The following SKAP1 variants were observed in gnomAD, a reference collection of about 807,000 sequenced individuals.
The protein encoded by SKAP1 is src kinase-associated phosphoprotein 1.
In SKAP1, 44 loss-of-function variants were observed where a neutral mutation model predicts 58.5. The observed-to-expected ratio is 0.75, with a 90% CI of 0.59 to 0.97. The LOEUF is 0.97. Among genes scored for constraint, SKAP1 ranks in the 50% least tolerant of loss-of-function variants. SKAP1 has a pLI of 0.00. For missense variants in SKAP1, 390 were observed against 435.2 expected, an observed-to-expected ratio of 0.90 and a Z score of 0.92; for synonymous variants, 127 against 149.7, an observed-to-expected ratio of 0.85 and a Z score of 1.11.
rs544312694 is a variant in SKAP1 at position 48,294,813 on chromosome 17, C to T, written c.280+51092G>A. Among the ~76,000 whole-genome samples the T allele has an allele frequency of 1.6e-4, 25 of 152,210 alleles. No individual in the cohort carries two copies. The South Asian group carries it at 5.2e-3, about 32-fold the overall frequency. On this transcript the variant is annotated intron_variant, in intron 4 of 12. Transcript: ENST00000336915. ...TGACTCACAAGTTTTCAAAAGTGGCCTAAATCTGGACATGTCAATATATAG... is the reference window on the plus strand; with the variant it reads ...TGACTCACAAGTTTTCAAAAGTGGCTTAAATCTGGACATGTCAATATATAG...
At chr17:48,423,642 T>C (rs1279508728) in intron 1 of SKAP1, among the ~76,000 whole-genome samples, 1 of 152,230 alleles carries the variant, frequency 6.6e-6, no homozygotes, top group East Asian at 1.9e-4. Context: ...ATGTGGCTAG[T>C]GACTATTATG....
At chr17:48,338,872 G>GACTATATAA (rs1327295513) in intron 4 of SKAP1, among the ~76,000 whole-genome samples, 2 of 152,260 alleles carry the variant, frequency 1.3e-5, no homozygotes, top group East Asian at 3.9e-4. Flanking sequence ...ATTTATACCA[G>GACTATATAA]ACTATATAAA....
At chr17:48,297,976 G>C (rs1430855041) in intron 4 of SKAP1, among the ~76,000 whole-genome samples, 1 of 152,128 alleles carries the variant, frequency 6.6e-6, no homozygotes, top group African/African-American at 2.4e-5. Flanking sequence ...CCTGTTTCCT[G>C]TTTTCAGAAA....
intron 4 of SKAP1, among the ~76,000 whole-genome samples, chr17:48,256,536 A>G (rs889541942): frequency 2.6e-5 from 4 of 152,036 alleles, no homozygotes; most frequent in Admixed American, 2.6e-4. Context: ...AATGAAGGAG[A>G]CTAGACTCCA....
chr17:48,437,006 C>A, the SKAP1 span, among the ~76,000 whole-genome samples: 1 of 152,188 alleles, frequency 6.6e-6, no homozygotes. Flanking sequence ...CTTCATTTCA[C>A]CTTCTAGTCA....
At chr17:48,349,297 G>A (rs1225238423) in intron 3 of SKAP1, among the ~76,000 whole-genome samples, 1 of 152,156 alleles carries the variant, frequency 6.6e-6, no homozygotes, top group Non-Finnish European at 1.5e-5. Flanking sequence ...GTAGTCCAGT[G>A]GGATCAGACA....
intron 8 of SKAP1, 34 bp from the exon 9 acceptor site, chr17:48,180,282 C>A: frequency 2.1e-6 from 3 of 1,447,122 alleles, no homozygotes; most frequent in South Asian, 1.4e-5. Flanking sequence ...AATCAAGAAA[C>A]AGAGAAAAAG....
chr17:48,362,644 A>G (rs1206940960), intron 3 of SKAP1, among the ~76,000 whole-genome samples: 1 of 152,250 alleles, frequency 6.6e-6, no homozygotes, highest in African/African-American at 2.4e-5. Flanking sequence ...TAAGTGCTCC[A>G]ACTTTAACTT....
chr17:48,330,924 T>C (rs1308207399), intron 4 of SKAP1, among the ~76,000 whole-genome samples: 1 of 152,188 alleles, frequency 6.6e-6, no homozygotes, highest in African/African-American at 2.4e-5. Flanking sequence ...TCGTTGAGCA[T>C]GATTCCTTTA....
intron 4 of SKAP1, among the ~76,000 whole-genome samples, chr17:48,244,566 C>A (rs2065274829): frequency 6.6e-6 from 1 of 152,094 alleles, no homozygotes. Context: ...TGGGCCATGC[C>A]AAGCAAGTTT....
intron 4 of SKAP1, among the ~76,000 whole-genome samples, chr17:48,215,939 C>A (rs1166994827): frequency 1.3e-5 from 2 of 152,210 alleles, no homozygotes; most frequent in Admixed American, 6.5e-5. Flanking sequence ...CTGCAATCCT[C>A]CATGTAGCCC....
intron 4 of SKAP1, among the ~76,000 whole-genome samples, chr17:48,245,700 G>C (rs2065288379): frequency 6.6e-6 from 1 of 152,204 alleles, no homozygotes; most frequent in African/African-American, 2.4e-5. Context: ...AAGAGGCCGG[G>C]TGCGGTGGCT....
intron 4 of SKAP1, among the ~76,000 whole-genome samples, chr17:48,199,844 A>G (rs1004133680): frequency 3.9e-5 from 6 of 152,196 alleles, no homozygotes; most frequent in Admixed American, 3.9e-4. Flanking sequence ...ACACCATGGA[A>G]GAAATTAAGT....
intron 1 of SKAP1, among the ~76,000 whole-genome samples, chr17:48,423,906 G>A (rs960473920): frequency 3.2e-4 from 48 of 152,132 alleles, no homozygotes; most frequent in Admixed American, 2.3e-3. Flanking sequence ...ATAGGCATGA[G>A]CCACCACGCC....
chr17:48,151,444 T>C (rs2063901219), intron 11 of SKAP1, among the ~76,000 whole-genome samples: 1 of 152,238 alleles, frequency 6.6e-6, no homozygotes, highest in African/African-American at 2.4e-5. Context: ...CGCTGTTTTT[T>C]TCCTCCTTAA....
At chr17:48,281,102 T>G (rs1485811424) in intron 4 of SKAP1, among the ~76,000 whole-genome samples, 1 of 152,168 alleles carries the variant, frequency 6.6e-6, no homozygotes, top group Non-Finnish European at 1.5e-5. Context: ...CTTGGCTCAC[T>G]GCAATCTCTG....
At chr17:48,250,986 A>G (rs2065357653) in intron 4 of SKAP1, among the ~76,000 whole-genome samples, 1 of 152,210 alleles carries the variant, frequency 6.6e-6, no homozygotes, top group Non-Finnish European at 1.5e-5. Flanking sequence ...GTGTTTTGTA[A>G]TATTAACCAT....
intron 4 of SKAP1, among the ~76,000 whole-genome samples, chr17:48,335,447 CATA>C (rs1022765213): frequency 4.6e-5 from 7 of 151,946 alleles, no homozygotes; most frequent in African/African-American, 1.7e-4. Context: ...AGAAAACAAA[CATA>C]ATTTTTTGCT....
At chr17:48,342,499 C>G (rs2144316079) in intron 4 of SKAP1, among the ~76,000 whole-genome samples, 1 of 126,976 alleles carries the variant, frequency 7.9e-6, no homozygotes. Context: ...TCTTCTAGCA[C>G]TCTTTGTAGT....
Sources: allele counts gnomAD v4.1 joint callset (sites outside exome capture counted in the v4.1 genomes callset), GRCh38; gene constraint gnomAD v4.1.1; transcripts MANE v1.5; gene names NCBI Gene and HGNC (gene_info 2026-07-23, HGNC 2026-07-21).